The following TMEM38B variants were observed in gnomAD, a reference collection of about 807,000 sequenced individuals.
The protein encoded by TMEM38B is trimeric intracellular cation channel type B.
In TMEM38B, 24 loss-of-function variants were observed where a neutral mutation model predicts 28.7. The observed-to-expected ratio is 0.84, with a 90% CI of 0.61 to 1.18. The LOEUF (loss-of-function observed/expected upper bound fraction) is 1.18, where lower values mean the gene tolerates loss of function less well. Among genes scored for constraint, TMEM38B ranks in the 50% most tolerant of loss-of-function variants. The pLI, the probability that TMEM38B is intolerant of heterozygous loss-of-function variation, is 0.00. For missense variants in TMEM38B, 380 were observed against 350.9 expected (o/e 1.08, Z -0.66); for synonymous variants, 131 against 127.7 (o/e 1.03, Z -0.17).
chr9:105,758,905 T>C (rs1316595792), intron 5 of TMEM38B: 3 of 1,253,292 alleles, frequency 2.4e-6, no homozygotes, highest in East Asian at 2.3e-5. Flanking sequence ...AGATATGTTA[T>C]TCTGATCTAC....
chr9:105,750,396 G>C (rs563872065), intron 5 of TMEM38B, among the ~76,000 whole-genome samples: 2 of 152,076 alleles, frequency 1.3e-5, no homozygotes, highest in East Asian at 3.9e-4. Context: ...AGCTGAGGTG[G>C]GCAGATCACC....
intron 4 of TMEM38B, among the ~76,000 whole-genome samples, chr9:105,747,792 G>T (rs1358585243): frequency 6.6e-6 from 1 of 152,076 alleles, no homozygotes; most frequent in Non-Finnish European, 1.5e-5. Context: ...GTTCTCGTTG[G>T]TTTCAAAGAA....
At chr9:105,740,207 A>G (rs1837146731) in intron 4 of TMEM38B, among the ~76,000 whole-genome samples, 1 of 149,970 alleles carries the variant, frequency 6.7e-6, no homozygotes, top group Admixed American at 6.6e-5. Context: ...GTAATGTTTT[A>G]TAGTTTTTAG....
intron 2 of TMEM38B, among the ~76,000 whole-genome samples, chr9:105,712,920 C>T (rs564603963): frequency 6.6e-6 from 1 of 152,312 alleles, no homozygotes; most frequent in Non-Finnish European, 1.5e-5. Context: ...GCTTTGGGGC[C>T]ACAAAGGGAG....
At chr9:105,726,996 C>G (rs1401149361) in intron 4 of TMEM38B, among the ~76,000 whole-genome samples, 4 of 151,986 alleles carry the variant, frequency 2.6e-5, no homozygotes, top group African/African-American at 9.7e-5. Context: ...TTCAATTTTT[C>G]ATAGACTACT....
At chr9:105,716,316 A>T (rs1836093982) in intron 2 of TMEM38B, among the ~76,000 whole-genome samples, 1 of 151,480 alleles carries the variant, frequency 6.6e-6, no homozygotes, top group African/African-American at 2.4e-5. Flanking sequence ...ACTTCTTATC[A>T]TGGGCTCTTT....
intron 2 of TMEM38B, among the ~76,000 whole-genome samples, chr9:105,707,776 CAAG>C (rs1835730511): frequency 5.3e-5 from 8 of 152,272 alleles, no homozygotes; most frequent in South Asian, 2.1e-4. Flanking sequence ...AGAATCAAAA[CAAG>C]AAGTTTTTAA....
intron 2 of TMEM38B, among the ~76,000 whole-genome samples, chr9:105,708,247 TA>T (rs1384318833): frequency 2.6e-5 from 4 of 152,118 alleles, no homozygotes; most frequent in African/African-American, 9.7e-5. Context: ...AATGCAACAA[TA>T]AAAATAATGC....
intron 4 of TMEM38B, among the ~76,000 whole-genome samples, chr9:105,737,406 A>G (rs145047103): frequency 1.1e-3 from 175 of 152,260 alleles, no homozygotes; most frequent in African/African-American, 3.9e-3. Context: ...GGCACTATGC[A>G]GTGGGGACTC....
intron 2 of TMEM38B, among the ~76,000 whole-genome samples, chr9:105,708,198 G>T (rs549211932): frequency 6.6e-6 from 1 of 151,944 alleles, no homozygotes; most frequent in Non-Finnish European, 1.5e-5. Context: ...ACCAGCTGCA[G>T]ATCAAAAATA....
intron 4 of TMEM38B, among the ~76,000 whole-genome samples, chr9:105,739,803 G>A (rs781083075): frequency 6.6e-6 from 1 of 151,918 alleles, no homozygotes; most frequent in Non-Finnish European, 1.5e-5. Flanking sequence ...GGGATTATGG[G>A]CATGAGCCAC....
rs71489351 is a variant in TMEM38B, at chr9:105,738,715, C to CTTTT, written c.543-9340_543-9337dup. Among the ~76,000 whole-genome samples, 228 of 109,664 alleles carry CTTTT rather than the reference C, an allele frequency of 2.1e-3. 13 individuals carry two copies. Among genetic ancestry groups the CTTTT allele is most frequent in the East Asian group, 0.02 (66 of 3,220 alleles). 71.9% of individuals were successfully genotyped at this position (109,664 alleles called of 152,430 possible). A position where few individuals can be genotyped will look rare whatever the true frequency, so the allele number is the denominator to read the frequency against. The stretch of plus-strand genomic sequence containing the variant: ...CAGATCCATATGAGTTAATTTTTTC[C>CTTTT]TTTTTTTTTTTTTTTTTTTTTGAGA... On this transcript the variant is annotated intron_variant, in intron 4 of 5. Coordinates refer to ENST00000374692, the MANE Select transcript of TMEM38B (RefSeq NM_018112.3).
intron 4 of TMEM38B, among the ~76,000 whole-genome samples, chr9:105,730,394 C>A (rs1333726534): frequency 6.6e-6 from 1 of 152,142 alleles, no homozygotes; most frequent in African/African-American, 2.4e-5. Context: ...GTATGTTGAA[C>A]CAGCCTTGCA....
rs1489672223 is a variant in TMEM38B at position 105,721,839 on chromosome 9, G to A, written c.454+118G>A. 6.4e-6 allele frequency: 5 copies of A among 786,878 alleles called. No individual in the cohort carries two copies. The East Asian group carries it at 1.6e-4, about 24-fold the overall frequency. The allele number at this position is 786,878 out of a possible 1,614,324, so 48.7% of individuals were successfully genotyped here. A position where few individuals can be genotyped will look rare whatever the true frequency, so the allele number is the denominator to read the frequency against. On this transcript the variant is annotated intron_variant, in intron 3 of 5. Transcript: ENST00000374692. ...CATACTTTAATAACAGAGACTTTTT[G>A]GAAGGTAAAAACCTTGTTTCTGTTG... is the stretch of plus-strand genomic sequence containing the variant.
intron 4 of TMEM38B, among the ~76,000 whole-genome samples, chr9:105,726,565 A>G (rs966891468): frequency 6.6e-6 from 1 of 152,090 alleles, no homozygotes; most frequent in Non-Finnish European, 1.5e-5. Flanking sequence ...CTATAATAAC[A>G]GTGCCTTCTT....
At chr9:105,701,498 CT>C (rs1835458406) in intron 1 of TMEM38B, 1 of 152,172 alleles carries the variant, frequency 6.6e-6, no homozygotes, top group Non-Finnish European at 1.5e-5. Flanking sequence ...AAAGCATTTG[CT>C]TCCAAGTTAT....
intron 4 of TMEM38B, among the ~76,000 whole-genome samples, chr9:105,731,357 C>T (rs908643539): frequency 6.6e-6 from 1 of 151,756 alleles, no homozygotes; most frequent in Admixed American, 6.6e-5. Context: ...GCACAAAGTG[C>T]AGGTTTGTTA....
At chr9:105,746,887 T>G (rs1482173348) in intron 4 of TMEM38B, among the ~76,000 whole-genome samples, 5 of 152,232 alleles carry the variant, frequency 3.3e-5, no homozygotes, top group Non-Finnish European at 4.4e-5. Flanking sequence ...CTTATTGATT[T>G]GCGTTTGTGG....
intron 4 of TMEM38B, among the ~76,000 whole-genome samples, chr9:105,727,579 C>T (rs7854789): frequency 0.015 from 2,277 of 152,250 alleles, 64 homozygotes; most frequent in African/African-American, 0.052. Context: ...TCCAATGAGC[C>T]TTTCTTTTGA....
Sources: gnomAD v4.1 joint callset for allele counts (sites outside exome capture counted in the v4.1 genomes callset) on GRCh38, gnomAD v4.1.1 for gene constraint, MANE v1.5 for transcripts, NCBI Gene and HGNC (gene_info 2026-07-23, HGNC 2026-07-21) for gene names.